The following PUS7L variants were observed in gnomAD, a reference collection of about 807,000 sequenced individuals.
PUS7L encodes the protein pseudouridylate synthase PUS7L.
A neutral mutation model predicts 51.1 loss-of-function variants in PUS7L; 49 were observed. That is an observed-to-expected ratio of 0.96 (90% CI 0.76 to 1.22). PUS7L has a LOEUF of 1.22. PUS7L is among the 50% of genes most tolerant of loss of function. The probability of loss-of-function intolerance (pLI) is 0.00; values close to 1 mark genes in which losing one functional copy is unlikely to be tolerated. For missense variants in PUS7L, 828 were observed against 820.6 expected (o/e 1.01, Z -0.11); for synonymous variants, 277 against 276.2 (o/e 1.00, Z -0.03).
In PUS7L at chr12:43,743,694, G is replaced by A. The variant is rs575376542; in HGVS notation, c.1264-1139C>T. 4.6e-5 allele frequency among the ~76,000 whole-genome samples: 7 copies of A among 152,040 alleles called. 1 individual carries two copies. The South Asian group carries it at 1.5e-3, about 32-fold the overall frequency. On this transcript the variant is annotated intron_variant, in intron 4 of 8. Transcript: ENST00000344862. ...AGGAGAATGGCGTGAACCCGGGAGG[G>A]GGTGCTTGCAGTGAGCCGAGATCGT... is the stretch of plus-strand genomic sequence containing the variant.
Position 43,726,693 on chromosome 12 carries a change from T to C in PUS7L, c.*3683A>G, listed in dbSNP as rs936816489. On this transcript the variant is annotated 3_prime_UTR_variant, in exon 9 of 9. Coordinates refer to ENST00000344862, the MANE Select transcript of PUS7L (RefSeq NM_031292.5). ...AAATACAAAAATTAGCCAGGTGTGG[T>C]GGTGGCCACTTGTAATCCCAGCTAC... 2 of 152,080 alleles carry C rather than the reference T, an allele frequency of 1.3e-5. No individual in the cohort carries two copies. Among genetic ancestry groups the C allele is most frequent in the African/African-American group, 4.8e-5 (2 of 41,356 alleles). The allele number at this position is 152,080 out of a possible 1,614,324, so 9.4% of individuals were successfully genotyped here. A position where few individuals can be genotyped will look rare whatever the true frequency, so the allele number is the denominator to read the frequency against.
rs1944450355 is a variant in PUS7L, at chr12:43,726,003, A to G, written c.*4373T>C. On this transcript the variant is annotated 3_prime_UTR_variant, in exon 9 of 9. Coordinates refer to ENST00000344862, the MANE Select transcript of PUS7L (RefSeq NM_031292.5). The stretch of plus-strand genomic sequence containing the variant: ...AAAAAAATCAAGGTGTTTTAATTTT[A>G]ATATTAGTAAAAGACCTCAATTTGT... 1 of 152,176 alleles carries G rather than the reference A, an allele frequency of 6.6e-6. No individual in the cohort carries two copies. The highest frequency in any genetic ancestry group is 2.1e-4 in the South Asian group (1 of 4,832). 9.4% of individuals were successfully genotyped at this position (152,176 alleles called of 1,614,324 possible). A position where few individuals can be genotyped will look rare whatever the true frequency, so the allele number is the denominator to read the frequency against.
chr12:43,737,983 C>G (rs542971452), intron 6 of PUS7L: 178 of 225,554 alleles, frequency 7.9e-4, no homozygotes, highest in African/African-American at 4.0e-3. Context: ...GTTTGTATCT[C>G]CCCCAGCTGC....
At chr12:43,758,619 C>T in intron 1 of PUS7L, 111 bp downstream of exon 1, 1 of 968,460 alleles carries the variant, frequency 1.0e-6, no homozygotes, top group Non-Finnish European at 1.2e-6. Context: ...TTTCTTTGGG[C>T]GCAAAGGGTA....
intron 2 of PUS7L, among the ~76,000 whole-genome samples, chr12:43,751,196 T>TA: frequency 6.7e-6 from 1 of 150,052 alleles, no homozygotes; most frequent in Non-Finnish European, 1.5e-5. Context: ...TATTTTTAAT[T>TA]TATATATATA....
At chr12:43,738,244 G>T in intron 6 of PUS7L, 66 bp downstream of exon 6, 1 of 850,860 alleles carries the variant, frequency 1.2e-6, no homozygotes, top group Non-Finnish European at 2.0e-6. Context: ...CTCTCCTGCT[G>T]ATAAAACATT....
intron 3 of PUS7L, 98 bp from the exon 4 acceptor site, chr12:43,746,336 T>C (rs1175206551): frequency 3.6e-6 from 2 of 548,446 alleles, no homozygotes; most frequent in East Asian, 3.2e-5. Context: ...ACCCCTTATA[T>C]GAGAATACTA....
intron 3 of PUS7L, 55 bp downstream of exon 3, chr12:43,748,395 T>C: frequency 1.5e-6 from 2 of 1,304,982 alleles, no homozygotes; most frequent in South Asian, 1.4e-5. Flanking sequence ...TTTAGACAAT[T>C]TAAATCTTCC....
At chr12:43,749,042 A>G (rs1354960851) in intron 2 of PUS7L, among the ~76,000 whole-genome samples, 7 of 152,166 alleles carry the variant, frequency 4.6e-5, no homozygotes, top group African/African-American at 1.4e-4. Flanking sequence ...CTTTTTAATG[A>G]AAATATAAAA....
chr12:43,732,984 T>A (rs1395098576), intron 7 of PUS7L, among the ~76,000 whole-genome samples: 74 of 152,336 alleles, frequency 4.9e-4, no homozygotes, highest in Non-Finnish European at 5.9e-5. Flanking sequence ...TACTGTGATT[T>A]AAGTAATTTA....
chr12:43,754,496 G>A lies in PUS7L; in HGVS notation c.750C>T (p.Asn250=), dbSNP rs1565646247. Residue 250 remains asparagine (N), a synonymous_variant, in exon 2 of 9, where the codon AAC becomes AAT. Coordinates refer to ENST00000344862, the MANE Select transcript of PUS7L (RefSeq NM_031292.5). ...TTTCCACAAGGTTTCCAAACTTTTT[G>A]TTGACAAAATGGTGGACAGCTTTTC... ...DHRKAVHHFV[N]KKFGNLVETK... The A allele has an allele frequency of 2.5e-6, 4 of 1,613,606 alleles. No individual in the cohort carries two copies. Among genetic ancestry groups the A allele is most frequent in the Non-Finnish European group, 2.5e-6 (3 of 1,179,818 alleles).
intron 7 of PUS7L, among the ~76,000 whole-genome samples, chr12:43,732,730 AC>A (rs1453242854): frequency 1.3e-5 from 2 of 152,114 alleles, no homozygotes; most frequent in African/African-American, 4.8e-5. Context: ...CTCTAAATCT[AC>A]CTGATTTCCC....
rs769026551 is a variant in PUS7L at position 43,748,476 on chromosome 12, C to T, written c.1044G>A (p.Met348Ile). ...TCTCTGGAGTCACTTTTCTAACAAC[C>T]ATTGCTTGATAGGTGATGGCTTTCT... ...KDKKAITYQAMVVRKVTPERL... is the reference protein window; with the variant it reads ...KDKKAITYQAIVVRKVTPERL... The change falls in exon 3 of 9, where the codon ATG (methionine) becomes ATA (isoleucine). Residue 348 changes from methionine (M) to isoleucine (I), a missense_variant. Physicochemically the swap from Met to Ile is conservative, Grantham distance 10 (BLOSUM62 1). Transcript: ENST00000344862. 5 of 1,597,560 alleles carry T rather than the reference C, an allele frequency of 3.1e-6. No individual in the cohort carries two copies.
chr12:43,755,252 A>G lies in PUS7L; in HGVS notation c.-7T>C, dbSNP rs764058629. The G allele has an allele frequency of 4.5e-6, 7 of 1,559,196 alleles. No homozygotes were observed. Among genetic ancestry groups the G allele is most frequent in the South Asian group, 3.6e-5 (3 of 82,248 alleles). ...AATCTGTATCTTCTTCCATTCTTCT[A>G]TAACAGTGCCTAGAAAACAAAACAA... On this transcript the variant is annotated 5_prime_UTR_variant, in exon 2 of 9. Coordinates refer to ENST00000344862, the MANE Select transcript of PUS7L (RefSeq NM_031292.5).
intron 2 of PUS7L, 120 bp from the exon 3 acceptor site, chr12:43,748,729 G>C (rs1177192781): frequency 8.0e-6 from 7 of 879,276 alleles, no homozygotes; most frequent in African/African-American, 1.7e-5. Context: ...TGTTGTTGTT[G>C]TTGTTGTTGT....
chr12:43,738,035 C>A, intron 6 of PUS7L: 1 of 289,976 alleles, frequency 3.4e-6, no homozygotes, highest in East Asian at 6.8e-5. Context: ...ATTTGGAACT[C>A]TCTCTCAGAG....
chr12:43,720,217 T>C lies in PUS7L; in HGVS notation c.*10159A>G, dbSNP rs1312674417. 2 of 152,224 alleles carry C rather than the reference T, an allele frequency of 1.3e-5. No homozygotes were observed. The highest frequency in any genetic ancestry group is 2.9e-5 in the Non-Finnish European group (2 of 68,038). 9.4% of individuals were successfully genotyped at this position (152,224 alleles called of 1,614,324 possible). A position where few individuals can be genotyped will look rare whatever the true frequency, so the allele number is the denominator to read the frequency against. The stretch of plus-strand genomic sequence containing the variant: ...CATATAGATTACTTAGAAGTGTATC[T>C]CTTCATCTGTAATCCCAGCATTTTG... On this transcript the variant is annotated 3_prime_UTR_variant, in exon 9 of 9. Transcript: ENST00000344862.
At chr12:43,734,575 T>G (rs1944637646) in intron 7 of PUS7L, among the ~76,000 whole-genome samples, 1 of 152,222 alleles carries the variant, frequency 6.6e-6, no homozygotes, top group Admixed American at 6.5e-5. Flanking sequence ...GTTTGCTTTA[T>G]GTAGAGTTCA....
chr12:43,742,027 G>GT (rs1345699568), intron 5 of PUS7L, among the ~76,000 whole-genome samples: 4 of 152,148 alleles, frequency 2.6e-5, no homozygotes, highest in African/African-American at 9.7e-5. Context: ...CAGCTTCTTA[G>GT]TTGTAACATG....
Sources: allele counts gnomAD v4.1 joint callset (sites outside exome capture counted in the v4.1 genomes callset), GRCh38; gene constraint gnomAD v4.1.1; transcripts MANE v1.5; gene names NCBI Gene and HGNC (gene_info 2026-07-23, HGNC 2026-07-21).